GLRB: variants seen among roughly 807,000 people sequenced by gnomAD.
GLRB encodes the protein glycine receptor subunit beta.
In GLRB, 33 loss-of-function variants were observed where a neutral mutation model predicts 54.2. The ratio of observed to expected loss-of-function variants is 0.61; its 90% confidence interval spans 0.46 to 0.81. GLRB has a LOEUF of 0.81. Ranked by LOEUF, GLRB falls within the 40% of genes least tolerant of loss-of-function variation. The pLI is 0.00. For missense variants in GLRB, 572 were observed against 584.6 expected (o/e 0.98, Z 0.22); for synonymous variants, 209 against 208.2 (o/e 1.00, Z -0.03).
chr4:157,093,218 C>T (rs1018098748), intron 2 of GLRB, among the ~76,000 whole-genome samples: 4 of 151,922 alleles, frequency 2.6e-5, no homozygotes, highest in African/African-American at 9.7e-5. Context: ...TGACAATCTT[C>T]CCTTTCATAG....
Position 157,105,204 on chromosome 4 carries a change from C to A in GLRB, c.123-15352C>A, listed in dbSNP as rs189608280. ...ATTATAAGCTTCCCTCTTAGTACTT[C>A]TTTTTTTGCATCCCATGTTTTAGTA... On this transcript the variant is annotated intron_variant, in intron 2 of 9. Transcript: ENST00000264428. Among the ~76,000 whole-genome samples, 146 of 151,374 alleles carry A rather than the reference C, an allele frequency of 9.6e-4. 2 individuals are homozygous for A. The East Asian group carries it at 0.026, about 27-fold the overall frequency.
At chr4:157,148,777 T>C (rs564872407) in intron 8 of GLRB, among the ~76,000 whole-genome samples, 1 of 152,230 alleles carries the variant, frequency 6.6e-6, no homozygotes, top group East Asian at 1.9e-4. Context: ...TGCCTCCTGG[T>C]AAACACCATG....
intron 9 of GLRB, among the ~76,000 whole-genome samples, chr4:157,165,983 A>G (rs895439041): frequency 2.0e-5 from 3 of 152,062 alleles, no homozygotes; most frequent in Non-Finnish European, 4.4e-5. Flanking sequence ...GGATGCCATT[A>G]TTGACATGAA....
At chr4:157,133,244 C>T (rs1736281862) in intron 4 of GLRB, among the ~76,000 whole-genome samples, 1 of 151,898 alleles carries the variant, frequency 6.6e-6, no homozygotes, top group African/African-American at 2.4e-5. Flanking sequence ...AGGTTTCATG[C>T]TTTCAGTAGA....
At chr4:157,100,192 C>T (rs1245741883) in intron 2 of GLRB, among the ~76,000 whole-genome samples, 1 of 152,148 alleles carries the variant, frequency 6.6e-6, no homozygotes, top group Non-Finnish European at 1.5e-5. Flanking sequence ...TCTTTCTCTA[C>T]TTCAAGGTAA....
At chr4:157,132,776 T>C (rs1446991495) in intron 4 of GLRB, among the ~76,000 whole-genome samples, 1 of 151,910 alleles carries the variant, frequency 6.6e-6, no homozygotes, top group African/African-American at 2.4e-5. Flanking sequence ...TGAATGATTG[T>C]TTAACAGAGT....
At chr4:157,113,770 A>C (rs1160279418) in intron 2 of GLRB, among the ~76,000 whole-genome samples, 1 of 151,950 alleles carries the variant, frequency 6.6e-6, no homozygotes, top group Admixed American at 6.6e-5. Flanking sequence ...CTTGGCCCAT[A>C]ATAACATGAC....
intron 7 of GLRB, among the ~76,000 whole-genome samples, chr4:157,140,459 T>C (rs572454483): frequency 1.3e-4 from 20 of 152,062 alleles, no homozygotes; most frequent in Admixed American, 1.2e-3. Flanking sequence ...ATTAAGAAGA[T>C]TATAGTTCTT....
chr4:157,116,221 G>T (rs1735604207), intron 2 of GLRB, among the ~76,000 whole-genome samples: 2 of 151,676 alleles, frequency 1.3e-5, no homozygotes, highest in Non-Finnish European at 2.9e-5. Flanking sequence ...TCAAGTTTAG[G>T]CAAGTGAACA....
intron 7 of GLRB, among the ~76,000 whole-genome samples, chr4:157,141,725 T>G (rs2126578657): frequency 6.6e-6 from 1 of 152,114 alleles, no homozygotes; most frequent in African/African-American, 2.4e-5. Flanking sequence ...GATCAAGAAA[T>G]GTTTCTCATA....
chr4:157,163,250 T>C (rs1366832543), intron 9 of GLRB, among the ~76,000 whole-genome samples: 1 of 152,066 alleles, frequency 6.6e-6, no homozygotes, highest in Non-Finnish European at 1.5e-5. Flanking sequence ...TTCCCTTTGC[T>C]AGGAAAGGGA....
chr4:157,157,890 T>C (rs923189455), intron 9 of GLRB, among the ~76,000 whole-genome samples: 1 of 152,204 alleles, frequency 6.6e-6, no homozygotes, highest in Non-Finnish European at 1.5e-5. Flanking sequence ...GCATTTCTAG[T>C]TCTAGATCCT....
intron 7 of GLRB, among the ~76,000 whole-genome samples, chr4:157,139,959 C>A (rs1427481797): frequency 1.3e-5 from 2 of 151,858 alleles, no homozygotes; most frequent in African/African-American, 4.8e-5. Context: ...TTAAAACATT[C>A]CTGTTAATAT....
chr4:157,127,699 A>G (rs1328714876), intron 4 of GLRB, among the ~76,000 whole-genome samples: 1 of 151,824 alleles, frequency 6.6e-6, no homozygotes, highest in African/African-American at 2.4e-5. Context: ...TGATGCAGGA[A>G]GCATGAAGCA....
intron 7 of GLRB, among the ~76,000 whole-genome samples, chr4:157,139,287 A>C (rs908330264): frequency 4.6e-5 from 7 of 152,100 alleles, no homozygotes; most frequent in Non-Finnish European, 7.4e-5. Context: ...GGGGCTGAAC[A>C]TTTTAGATAT....
intron 9 of GLRB, among the ~76,000 whole-genome samples, chr4:157,155,205 T>G (rs1202025771): frequency 6.6e-6 from 1 of 152,126 alleles, no homozygotes; most frequent in Non-Finnish European, 1.5e-5. Flanking sequence ...TCTCAGCTCA[T>G]GCAACCTCCA....
At chr4:157,116,911 A>G (rs759292806) in intron 2 of GLRB, among the ~76,000 whole-genome samples, 8 of 151,730 alleles carry the variant, frequency 5.3e-5, no homozygotes, top group African/African-American at 9.7e-5. Flanking sequence ...AAATAAGAAT[A>G]GAAGAAAAGG....
intron 2 of GLRB, among the ~76,000 whole-genome samples, chr4:157,081,593 A>G (rs1285162184): frequency 6.6e-6 from 1 of 152,028 alleles, no homozygotes; most frequent in Non-Finnish European, 1.5e-5. Context: ...ATCTCTTTCT[A>G]CCTTAGCTTC....
chr4:157,156,808 T>C (rs1027984799), intron 9 of GLRB, among the ~76,000 whole-genome samples: 7 of 152,370 alleles, frequency 4.6e-5, no homozygotes, highest in Non-Finnish European at 7.3e-5. Context: ...TCTTTTGTTA[T>C]ACAGTTTGAG....
Sources: allele counts gnomAD v4.1 joint callset (sites outside exome capture counted in the v4.1 genomes callset), GRCh38; gene constraint gnomAD v4.1.1; transcripts MANE v1.5; gene names NCBI Gene and HGNC (gene_info 2026-07-23, HGNC 2026-07-21).